The following MELK variants were observed in gnomAD, a reference collection of about 807,000 sequenced individuals.
MELK encodes maternal embryonic leucine zipper kinase.
Under a neutral mutation model 85.0 loss-of-function variants are expected in MELK, and 81 were observed. The ratio of observed to expected loss-of-function variants is 0.95; its 90% CI spans 0.80 to 1.15. The LOEUF (loss-of-function observed/expected upper bound fraction) is 1.15. Ranked by LOEUF, MELK falls within the 50% of genes most tolerant of loss-of-function variation. The probability of loss-of-function intolerance (pLI) is 0.00; values close to 1 mark genes in which losing one functional copy is unlikely to be tolerated. For missense variants in MELK, 754 were observed against 777.5 expected (o/e 0.97, Z 0.36); for synonymous variants, 252 against 265.0 (o/e 0.95, Z 0.48).
intron 11 of MELK, among the ~76,000 whole-genome samples, chr9:36,644,074 T>C (rs1830010006): frequency 2.0e-5 from 3 of 152,208 alleles, no homozygotes; most frequent in Admixed American, 2.0e-4. Flanking sequence ...CAATTTTCTT[T>C]TCACCTGAAA....
chr9:36,584,733 T>C (rs1325990644), intron 3 of MELK, among the ~76,000 whole-genome samples: 4 of 150,378 alleles, frequency 2.7e-5, no homozygotes, highest in African/African-American at 9.8e-5. Context: ...TTTTTTTTTT[T>C]TTTTGAGACA....
intron 8 of MELK, among the ~76,000 whole-genome samples, chr9:36,625,946 T>G (rs1026214587): frequency 6.6e-6 from 1 of 152,070 alleles, no homozygotes; most frequent in Non-Finnish European, 1.5e-5. Flanking sequence ...CAGAATTGTT[T>G]ATGATATAAT....
At chr9:36,599,818 T>A (rs1005586850) in intron 7 of MELK, among the ~76,000 whole-genome samples, 19 of 152,214 alleles carry the variant, frequency 1.2e-4, no homozygotes, top group Non-Finnish European at 2.8e-4. Flanking sequence ...TCAGAGATGC[T>A]GGTTAGCACA....
At chr9:36,634,769 C>T (rs755047540) in intron 10 of MELK, among the ~76,000 whole-genome samples, 4 of 151,582 alleles carry the variant, frequency 2.6e-5, no homozygotes, top group Non-Finnish European at 5.9e-5. Flanking sequence ...GGATCCCAGG[C>T]GGGTAGATTA....
intron 13 of MELK, among the ~76,000 whole-genome samples, chr9:36,659,487 C>T (rs145590312): frequency 6.6e-5 from 10 of 152,266 alleles, no homozygotes; most frequent in East Asian, 5.8e-4. Context: ...TCTGTAAAGT[C>T]GTTAAGTCAT....
intron 12 of MELK, among the ~76,000 whole-genome samples, chr9:36,657,016 T>C (rs767335947): frequency 6.6e-6 from 1 of 152,210 alleles, no homozygotes; most frequent in Non-Finnish European, 1.5e-5. Context: ...AGGTTTGTAG[T>C]GTAGGAGCAA....
chr9:36,625,437 G>C (rs1827835693), intron 8 of MELK, among the ~76,000 whole-genome samples: 1 of 152,038 alleles, frequency 6.6e-6, no homozygotes, highest in African/African-American at 2.4e-5. Context: ...GTAGGTCAGG[G>C]CCAGTCATGC....
In MELK at chr9:36,669,229, A is replaced by G. The variant is rs549560704; in HGVS notation, c.1409-81A>G. 7 of 824,612 alleles carry G rather than the reference A, an allele frequency of 8.5e-6. No individual in the cohort carries two copies. The South Asian group carries it at 1.3e-4, about 15-fold the overall frequency. 51.1% of individuals were successfully genotyped at this position (824,612 alleles called of 1,614,324 possible). A position where few individuals can be genotyped will look rare whatever the true frequency, so the allele number is the denominator to read the frequency against. ...TTTCTGAGTCAATGAATAATGTGATACCTGCATTATTATTAATAATAGAAA... is the reference window on the plus strand; with the variant it reads ...TTTCTGAGTCAATGAATAATGTGATGCCTGCATTATTATTAATAATAGAAA... On this transcript the variant is annotated intron_variant, in intron 14 of 17. Transcript: ENST00000298048.
intron 10 of MELK, among the ~76,000 whole-genome samples, chr9:36,636,079 GC>G (rs1829111972): frequency 6.6e-6 from 1 of 152,012 alleles, no homozygotes; most frequent in African/African-American, 2.4e-5. Context: ...GAGCCACTGT[GC>G]CTGGCCTTAA....
chr9:36,601,597 C>T (rs775327428), intron 7 of MELK, among the ~76,000 whole-genome samples: 38 of 152,210 alleles, frequency 2.5e-4, no homozygotes, highest in Non-Finnish European at 4.7e-4. Flanking sequence ...ATAAAATTTA[C>T]CATCTTAACT....
At chr9:36,582,658 A>G (rs1822377014) in intron 2 of MELK, among the ~76,000 whole-genome samples, 1 of 152,218 alleles carries the variant, frequency 6.6e-6, no homozygotes, top group Non-Finnish European at 1.5e-5. Context: ...GCGGATCAAG[A>G]CATAGACCGT....
intron 12 of MELK, among the ~76,000 whole-genome samples, chr9:36,656,033 A>G (rs977227612): frequency 7.2e-5 from 11 of 152,154 alleles, no homozygotes; most frequent in African/African-American, 2.7e-4. Flanking sequence ...GAGAAATAAA[A>G]ACTCCAAGTA....
chr9:36,619,214 C>A (rs1182811986), intron 8 of MELK, among the ~76,000 whole-genome samples: 1 of 152,208 alleles, frequency 6.6e-6, no homozygotes, highest in Non-Finnish European at 1.5e-5. Flanking sequence ...CTGCCTCAGC[C>A]TCTCAAAAGT....
chr9:36,670,069 G>A (rs1832753247), intron 15 of MELK, among the ~76,000 whole-genome samples: 1 of 152,132 alleles, frequency 6.6e-6, no homozygotes, highest in South Asian at 2.1e-4. Flanking sequence ...GGAAGTGCTG[G>A]AGAACTACCT....
chr9:36,630,147 G>T, intron 8 of MELK, 152 bp from the exon 9 acceptor site: 1 of 669,770 alleles, frequency 1.5e-6, no homozygotes, highest in Non-Finnish European at 2.6e-6. Context: ...GCCCAGCCAA[G>T]AAATTGATTT....
intron 9 of MELK, among the ~76,000 whole-genome samples, chr9:36,632,135 G>A (rs1214932698): frequency 1.3e-5 from 2 of 152,228 alleles, no homozygotes; most frequent in Non-Finnish European, 2.9e-5. Flanking sequence ...CAGCCCCAGA[G>A]TGTGTAATTC....
chr9:36,621,194 C>T (rs746882815), intron 8 of MELK, among the ~76,000 whole-genome samples: 3 of 139,620 alleles, frequency 2.1e-5, no homozygotes, highest in Admixed American at 7.9e-5. Flanking sequence ...ATTGCTTGAA[C>T]CTGGGAGGCG....
chr9:36,597,443 G>A (rs1587375413), intron 6 of MELK, among the ~76,000 whole-genome samples, 153 bp downstream of exon 6: 1 of 152,204 alleles, frequency 6.6e-6, no homozygotes, highest in East Asian at 1.9e-4. Context: ...GGTAGTTTTT[G>A]TAAGTTCTCT....
chr9:36,607,702 T>C (rs1350923419), intron 8 of MELK, 29 bp downstream of exon 8: 3 of 1,454,684 alleles, frequency 2.1e-6, no homozygotes, highest in Non-Finnish European at 2.9e-6. Flanking sequence ...AGAATTTCAA[T>C]GTAGAACTTT....
Sources: allele counts gnomAD v4.1 joint callset (sites outside exome capture counted in the v4.1 genomes callset), GRCh38; gene constraint gnomAD v4.1.1; transcripts MANE v1.5; gene names NCBI Gene and HGNC (gene_info 2026-07-23, HGNC 2026-07-21).